The following GRID2 variants were observed in gnomAD, a reference collection of about 807,000 sequenced individuals.
GRID2 encodes the protein glutamate ionotropic receptor delta type subunit 2, also known as glutamate receptor ionotropic, delta-2.
Under a neutral mutation model 114.8 loss-of-function variants are expected in GRID2, and 33 were observed. The observed-to-expected ratio is 0.29, with a 90% CI of 0.22 to 0.38. GRID2 has a LOEUF of 0.38. Ranked by LOEUF, GRID2 falls within the 10% of genes least tolerant of loss-of-function variation. GRID2 has a pLI of 1.00. For missense variants in GRID2, 1,184 were observed against 1,257.7 expected, an observed-to-expected ratio of 0.94 and a Z score of 0.89; for synonymous variants, 505 against 449.9, an observed-to-expected ratio of 1.12 and a Z score of -1.55.
chr4:93,006,595 G>T (rs1438629581), intron 2 of GRID2, among the ~76,000 whole-genome samples: 2 of 141,492 alleles, frequency 1.4e-5, no homozygotes, highest in Non-Finnish European at 3.1e-5. Flanking sequence ...AGGCCCTACT[G>T]AAAAAAAAAA....
chr4:93,477,230 C>A (rs1292541887), intron 11 of GRID2, among the ~76,000 whole-genome samples: 2 of 152,096 alleles, frequency 1.3e-5, no homozygotes, highest in Non-Finnish European at 2.9e-5. Flanking sequence ...TGACAATGAG[C>A]CTGCTCCTAA....
chr4:92,332,193 T>C (rs1333611966), intron 1 of GRID2, among the ~76,000 whole-genome samples: 2 of 152,154 alleles, frequency 1.3e-5, no homozygotes, highest in African/African-American at 4.8e-5. Context: ...ACTTGGATCA[T>C]GGTTTTGGTG....
At chr4:93,087,818 T>C (rs1446332193) in intron 3 of GRID2, among the ~76,000 whole-genome samples, 3 of 152,170 alleles carry the variant, frequency 2.0e-5, no homozygotes, top group Admixed American at 2.0e-4. Flanking sequence ...AAGTAAAGCA[T>C]TGGACTAGAG....
chr4:92,975,896 C>A (rs1420696712), intron 2 of GRID2, among the ~76,000 whole-genome samples: 1 of 151,992 alleles, frequency 6.6e-6, no homozygotes, highest in Non-Finnish European at 1.5e-5. Context: ...TACTTACAAG[C>A]AGAGAAGAAG....
At chr4:93,142,324 G>A (rs1735849508) in intron 4 of GRID2, among the ~76,000 whole-genome samples, 1 of 152,162 alleles carries the variant, frequency 6.6e-6, no homozygotes, top group African/African-American at 2.4e-5. Context: ...ATAAACAACA[G>A]AAGTTTATTT....
intron 2 of GRID2, among the ~76,000 whole-genome samples, chr4:93,079,632 G>A (rs1403074980): frequency 6.6e-6 from 1 of 151,988 alleles, no homozygotes; most frequent in Non-Finnish European, 1.5e-5. Flanking sequence ...TAATGTCACT[G>A]AGTCAGAATT....
chr4:92,761,223 T>C (rs1737995972), intron 2 of GRID2, among the ~76,000 whole-genome samples: 1 of 152,188 alleles, frequency 6.6e-6, no homozygotes, highest in African/African-American at 2.4e-5. Context: ...TGCTTTTTTC[T>C]AGTTCTATAT....
intron 13 of GRID2, among the ~76,000 whole-genome samples, chr4:93,607,578 G>T (rs773720182): frequency 3.3e-4 from 50 of 152,076 alleles, no homozygotes; most frequent in Admixed American, 9.2e-4. Flanking sequence ...TGGACCAAAA[G>T]ACATCTATGT....
intron 8 of GRID2, among the ~76,000 whole-genome samples, chr4:93,329,306 A>C (rs949787873): frequency 5.3e-5 from 8 of 152,148 alleles, no homozygotes; most frequent in African/African-American, 1.9e-4. Context: ...ACTAAATATT[A>C]ATACATTGAA....
chr4:93,761,823 G>A (rs1733236043), intron 14 of GRID2, among the ~76,000 whole-genome samples: 1 of 152,132 alleles, frequency 6.6e-6, no homozygotes, highest in Non-Finnish European at 1.5e-5. Flanking sequence ...GTTACCAACT[G>A]ATCACTAAGA....
intron 8 of GRID2, among the ~76,000 whole-genome samples, chr4:93,272,601 C>T (rs1223528275): frequency 2.6e-5 from 4 of 152,108 alleles, no homozygotes; most frequent in Non-Finnish European, 5.9e-5. Flanking sequence ...ACCGTGAATG[C>T]TATGTGAAGC....
chr4:93,110,643 C>T, intron 3 of GRID2, 105 bp from the exon 4 acceptor site: 5 of 772,994 alleles, frequency 6.5e-6, no homozygotes, highest in South Asian at 6.3e-5. Context: ...TTTTAGACAG[C>T]CTACAGTGTG....
chr4:93,733,320 G>T (rs934797329), intron 14 of GRID2, among the ~76,000 whole-genome samples: 1 of 152,082 alleles, frequency 6.6e-6, no homozygotes, highest in Admixed American at 6.6e-5. Context: ...GCCTCACACA[G>T]GTTCACAACA....
At chr4:93,733,236 CTG>C (rs1291914712) in intron 14 of GRID2, among the ~76,000 whole-genome samples, 2 of 152,090 alleles carry the variant, frequency 1.3e-5, no homozygotes, top group Non-Finnish European at 2.9e-5. Flanking sequence ...TCTTTTCTGT[CTG>C]AGACTTTCAT....
chr4:93,115,708 A>G (rs993227535), intron 4 of GRID2, among the ~76,000 whole-genome samples: 2 of 152,142 alleles, frequency 1.3e-5, no homozygotes, highest in African/African-American at 2.4e-5. Context: ...GGTGAAAGGT[A>G]TGTCTTACAT....
intron 8 of GRID2, among the ~76,000 whole-genome samples, chr4:93,363,364 C>T (rs937676891): frequency 2.0e-5 from 3 of 152,152 alleles, no homozygotes; most frequent in Middle Eastern, 3.2e-3. Context: ...GATCTACCTG[C>T]AATCCCAGCC....
chr4:93,023,023 A>G (rs886444446), intron 2 of GRID2, among the ~76,000 whole-genome samples: 1 of 151,976 alleles, frequency 6.6e-6, no homozygotes, highest in Non-Finnish European at 1.5e-5. Flanking sequence ...TTATGTATAA[A>G]TAGTGAACCA....
chr4:93,713,929 T>G (rs2110174468), intron 14 of GRID2, among the ~76,000 whole-genome samples: 1 of 152,274 alleles, frequency 6.6e-6, no homozygotes, highest in South Asian at 2.1e-4. Flanking sequence ...TACTTTGCCA[T>G]CTTTTCATTT....
At chr4:93,577,701 A>G (rs1736555942) in intron 13 of GRID2, among the ~76,000 whole-genome samples, 1 of 152,196 alleles carries the variant, frequency 6.6e-6, no homozygotes, top group Admixed American at 6.5e-5. Flanking sequence ...AACATGAACC[A>G]AATGTTTCCC....
Sources: gnomAD v4.1 joint callset for allele counts (sites outside exome capture counted in the v4.1 genomes callset) on GRCh38, gnomAD v4.1.1 for gene constraint, MANE v1.5 for transcripts, NCBI Gene and HGNC (gene_info 2026-07-23, HGNC 2026-07-21) for gene names.